The following NPNT variants were observed in gnomAD, a reference collection of about 807,000 sequenced individuals.
NPNT encodes preosteoblast EGF-like repeat protein with MAM domain.
Under a neutral mutation model 68.6 loss-of-function variants are expected in NPNT, and 45 were observed. The ratio of observed to expected loss-of-function variants is 0.66; its 90% CI spans 0.52 to 0.84. The LOEUF is 0.84. Ranked by LOEUF, NPNT falls within the 40% of genes least tolerant of loss-of-function variation. The probability of loss-of-function intolerance (pLI) is 0.00; values close to 1 mark genes in which losing one functional copy is unlikely to be tolerated. For synonymous variants in NPNT, 233 were observed against 253.3 expected, an observed-to-expected ratio of 0.92 and a Z score of 0.76; for missense variants, 672 against 714.8, an observed-to-expected ratio of 0.94 and a Z score of 0.68.
At chr4:105,963,536 A>G (rs916471171) in intron 10 of NPNT, among the ~76,000 whole-genome samples, 1 of 152,092 alleles carries the variant, frequency 6.6e-6, no homozygotes, top group African/African-American at 2.4e-5. Context: ...GAAATTAACA[A>G]TGCCTCTAAG....
chr4:105,970,715 G>A lies in NPNT; in HGVS notation c.*1725G>A. On this transcript the variant is annotated 3_prime_UTR_variant, in exon 12 of 12. Transcript: ENST00000379987. ...AGATAAAAATTTGTCTATTTAAGAT[G>A]GTTAAAGATGTTCTTACCCAAGGAA... is the stretch of plus-strand genomic sequence containing the variant. The A allele has an allele frequency of 2.3e-6, 1 of 432,096 alleles. No homozygotes were observed. Among genetic ancestry groups the A allele is most frequent in the Non-Finnish European group, 4.3e-6 (1 of 231,834 alleles). 26.8% of individuals were successfully genotyped at this position (432,096 alleles called of 1,614,324 possible).
In NPNT at chr4:105,970,697, A is replaced by C. The variant is rs899386441; in HGVS notation, c.*1707A>C. 1.7e-4 allele frequency: 81 copies of C among 486,918 alleles called. No homozygotes were observed. Among genetic ancestry groups the C allele is most frequent in the Non-Finnish European group, 2.2e-4 (59 of 264,122 alleles). 30.2% of individuals were successfully genotyped at this position (486,918 alleles called of 1,614,324 possible). A position where few individuals can be genotyped will look rare whatever the true frequency, so the allele number is the denominator to read the frequency against. Reference sequence around the variant, plus strand: ...CTCTCTTTCTAAAAAATTAGATAAAAATTTGTCTATTTAAGATGGTTAAAG... The same window carrying C: ...CTCTCTTTCTAAAAAATTAGATAAACATTTGTCTATTTAAGATGGTTAAAG... On this transcript the variant is annotated 3_prime_UTR_variant, in exon 12 of 12. Coordinates refer to ENST00000379987, the MANE Select transcript of NPNT (RefSeq NM_001033047.3).
At chr4:105,897,718 G>T (rs1725981019) in intron 1 of NPNT, among the ~76,000 whole-genome samples, 183 bp from the exon 2 acceptor site, 1 of 152,148 alleles carries the variant, frequency 6.6e-6, no homozygotes, top group African/African-American at 2.4e-5. Context: ...TCTGAAATTT[G>T]ACATTAGATC....
chr4:105,929,115 C>T (rs1728916167), intron 3 of NPNT, among the ~76,000 whole-genome samples: 2 of 152,050 alleles, frequency 1.3e-5, no homozygotes, highest in South Asian at 2.1e-4. Flanking sequence ...CTCTCCCTCC[C>T]CTTACCCCTA....
intron 2 of NPNT, among the ~76,000 whole-genome samples, chr4:105,902,299 C>T (rs186804895): frequency 6.6e-6 from 1 of 152,282 alleles, no homozygotes; most frequent in East Asian, 1.9e-4. Flanking sequence ...AAATGCCTTT[C>T]TATTTGAGGT....
chr4:105,905,835 A>G (rs1726844310), intron 2 of NPNT, among the ~76,000 whole-genome samples: 1 of 152,188 alleles, frequency 6.6e-6, no homozygotes, highest in South Asian at 2.1e-4. Flanking sequence ...TATTGCTACA[A>G]ATTTTCTTAT....
intron 10 of NPNT, among the ~76,000 whole-genome samples, chr4:105,961,735 C>T (rs1731732331): frequency 1.3e-5 from 2 of 152,230 alleles, no homozygotes; most frequent in Middle Eastern, 3.4e-3. Context: ...GAAGAGATGC[C>T]TGCTTGAGTG....
intron 8 of NPNT, among the ~76,000 whole-genome samples, chr4:105,957,699 A>ATT (rs1731349212): frequency 6.6e-6 from 1 of 152,136 alleles, no homozygotes; most frequent in African/African-American, 2.4e-5. Flanking sequence ...AGGGGCTTAT[A>ATT]AGCATGAACT....
intron 2 of NPNT, among the ~76,000 whole-genome samples, chr4:105,900,148 A>G (rs1726283146): frequency 1.3e-5 from 2 of 152,206 alleles, no homozygotes. Context: ...CGACCTTTAG[A>G]TAATCATGTA....
In NPNT at chr4:105,940,146, T is replaced by C; in HGVS notation, c.577T>C (p.Tyr193His). Residue 193 changes from tyrosine (Y) to histidine (H), a missense_variant, in exon 6 of 12, where the codon TAC becomes CAC. By Grantham distance (83) the Tyr-to-His change is moderately conservative. Transcript: ENST00000379987. ...GCAATGTGTCAACACTTTTGGGAGC[T>C]ACATCTGCAAGTGTCATAAAGGCTT... ...FRQCVNTFGS[Y>H]ICKCHKGFDL... 1 of 1,612,450 alleles carries C rather than the reference T, an allele frequency of 6.2e-7. No homozygotes were observed. Among genetic ancestry groups the C allele is most frequent in the Middle Eastern group, 1.6e-4 (1 of 6,062 alleles).
Position 105,971,327 on chromosome 4 carries a change from AG to A in NPNT, c.*2338del. 1 of 303,044 alleles carries A rather than the reference AG, an allele frequency of 3.3e-6. No homozygotes were observed. The highest frequency in any genetic ancestry group is 6.9e-6 in the Non-Finnish European group (1 of 144,742). 18.8% of individuals were successfully genotyped at this position (303,044 alleles called of 1,614,324 possible). ...ATATTTTTTGAACAATAGGTACAAT[AG>A]AAGGTCTTCTGTCATTTAACCTGGT... On this transcript the variant is annotated 3_prime_UTR_variant, in exon 12 of 12. Transcript: ENST00000379987.
chr4:105,918,288 A>G (rs1304975221), intron 2 of NPNT, among the ~76,000 whole-genome samples: 1 of 152,196 alleles, frequency 6.6e-6, no homozygotes, highest in African/African-American at 2.4e-5. Flanking sequence ...ACTTCAACTC[A>G]TGTATCAGTG....
rs1168583277 is a variant in NPNT at position 105,898,001 on chromosome 4, C to G, written c.172C>G (p.Pro58Ala). 2 of 1,597,358 alleles carry G rather than the reference C, an allele frequency of 1.3e-6. No individual in the cohort carries two copies. Among genetic ancestry groups the G allele is most frequent in the Non-Finnish European group, 1.7e-6 (2 of 1,172,288 alleles). Residue 58 changes from proline to alanine, a missense_variant and splice_region_variant, in exon 2 of 12, where the codon CCT becomes GCT. Transcript: ENST00000379987. ...WARQSWGQCQ[P>A]VCQPRCKHGE... Reference sequence around the variant, plus strand: ...TCGCCAGTCTTGGGGACAGTGTCAGCGTGAGTATCAAGCCTGGGGACTTCA... The same window carrying G: ...TCGCCAGTCTTGGGGACAGTGTCAGGGTGAGTATCAAGCCTGGGGACTTCA...
chr4:105,959,983 G>T (rs1363683530), intron 10 of NPNT, among the ~76,000 whole-genome samples: 1 of 151,702 alleles, frequency 6.6e-6, no homozygotes, highest in Non-Finnish European at 1.5e-5. Context: ...CTAATTTTTT[G>T]TAATTTTTAG....
intron 10 of NPNT, among the ~76,000 whole-genome samples, chr4:105,965,478 T>C (rs192163355): frequency 2.6e-5 from 4 of 152,242 alleles, no homozygotes; most frequent in African/African-American, 9.6e-5. Context: ...TAAATGCATA[T>C]GCAAAGAATA....
chr4:105,895,740 G>A lies in NPNT; in HGVS notation c.71+17G>A, dbSNP rs1267722625. 1 of 1,549,248 alleles carries A rather than the reference G, an allele frequency of 6.5e-7. No homozygotes were observed. ...CGACGGGAGGTGAGCTGGGCCCCGGGGCGCCCTCTCCTCCTTCCCGCGCTA... is the reference window on the plus strand; with the variant it reads ...CGACGGGAGGTGAGCTGGGCCCCGGAGCGCCCTCTCCTCCTTCCCGCGCTA... On this transcript the variant is annotated intron_variant, in intron 1 of 11. Transcript: ENST00000379987.
chr4:105,895,696 T>G lies in NPNT; in HGVS notation c.44T>G (p.Leu15Arg). 1.9e-6 allele frequency: 3 copies of G among 1,553,928 alleles called. 1 individual carries two copies. The highest frequency in any genetic ancestry group is 2.4e-5 in the South Asian group (2 of 84,208). ...LALVLVSSLY[L>R]QAAAEFDGRW... ...CTGGTGCTGGTATCCTCGCTCTACC[T>G]GCAGGCGGCCGCCGAGTTCGACGGG... The change falls in exon 1 of 12, where the codon CTG becomes CGG. Residue 15 changes from leucine (L) to arginine (R), a missense_variant. Coordinates refer to ENST00000379987, the MANE Select transcript of NPNT (RefSeq NM_001033047.3).
chr4:105,937,827 T>C (rs1166748658), intron 4 of NPNT, among the ~76,000 whole-genome samples: 7 of 152,214 alleles, frequency 4.6e-5, no homozygotes. Context: ...TTATTTTTAC[T>C]GAATTATCAT....
At chr4:105,898,816 TCTCA>T (rs1227421668) in intron 2 of NPNT, among the ~76,000 whole-genome samples, 1 of 152,172 alleles carries the variant, frequency 6.6e-6, no homozygotes, top group Non-Finnish European at 1.5e-5. Flanking sequence ...TAAAATTGTA[TCTCA>T]CTCCTACTGC....
Sources: gnomAD v4.1 joint callset for allele counts (sites outside exome capture counted in the v4.1 genomes callset) on GRCh38, gnomAD v4.1.1 for gene constraint, MANE v1.5 for transcripts, NCBI Gene and HGNC (gene_info 2026-07-23, HGNC 2026-07-21) for gene names.